Variants in RAB1A observed in about 807,000 individuals in gnomAD.
RAB1A encodes the protein ras-related protein Rab-1A.
A neutral mutation model predicts 26.0 loss-of-function variants in RAB1A; 2 were observed. The observed-to-expected ratio is 0.08, with a 90% CI of 0.03 to 0.24. The LOEUF is 0.24. Among genes scored for constraint, RAB1A ranks in the 10% least tolerant of loss-of-function variants. RAB1A has a pLI of 1.00. For missense variants in RAB1A, 100 were observed against 247.0 expected (o/e 0.40, Z 3.99); for synonymous variants, 84 against 84.9 (o/e 0.99, Z 0.06).
intron 1 of RAB1A, among the ~76,000 whole-genome samples, chr2:65,129,233 A>T: frequency 6.7e-6 from 1 of 149,946 alleles, no homozygotes; most frequent in Non-Finnish European, 1.5e-5. Flanking sequence ...ACAAATGCCC[A>T]GGTTTTTATA....
At position 65,088,559 on chromosome 2, in the gene RAB1A, A is replaced by C; in HGVS notation, c.552T>G (p.Gly184=). Residue 184 remains glycine, a synonymous_variant, in exon 6 of 6, where the codon GGT becomes GGG. Transcript: ENST00000409784. ...KRMGPGATAG[G]AEKSNVKIQS... is the part of the protein sequence containing the mutation. ...GAATTTTAACATTGGACTTCTCAGC[A>C]CCACCAGCTGTTGCTCCGGGACCCA... 1 of 1,613,706 alleles carries C rather than the reference A, an allele frequency of 6.2e-7. No individual in the cohort carries two copies. Among genetic ancestry groups the C allele is most frequent in the South Asian group, 1.1e-5 (1 of 90,962 alleles).
At chr2:65,112,314 A>G (rs1185577940) in intron 1 of RAB1A, among the ~76,000 whole-genome samples, 1 of 151,268 alleles carries the variant, frequency 6.6e-6, no homozygotes, top group Non-Finnish European at 1.5e-5. Context: ...TGCCCAGCTA[A>G]TTTTTGTATT....
At chr2:65,094,637 C>T (rs1453737448) in intron 3 of RAB1A, among the ~76,000 whole-genome samples, 1 of 150,872 alleles carries the variant, frequency 6.6e-6, no homozygotes, top group Non-Finnish European at 1.5e-5. Context: ...AACCTTAAGA[C>T]CCAAACTAGA....
Position 65,087,659 on chromosome 2 carries a change from T to C in RAB1A, c.*834A>G, listed in dbSNP as rs1417317708. ...ATATAGTTTGAGCTCCCTGAACCAC[T>C]GAAGTTGGTTAAATCCCTACACAGC... On this transcript the variant is annotated 3_prime_UTR_variant, in exon 6 of 6. Coordinates refer to ENST00000409784, the MANE Select transcript of RAB1A (RefSeq NM_004161.5). 1 of 152,594 alleles carries C rather than the reference T, an allele frequency of 6.6e-6. No homozygotes were observed. Among genetic ancestry groups the C allele is most frequent in the Non-Finnish European group, 1.5e-5 (1 of 68,038 alleles). The allele number at this position is 152,594 out of a possible 1,614,324, so 9.5% of individuals were successfully genotyped here.
chr2:65,123,742 C>T (rs907688039), intron 1 of RAB1A, among the ~76,000 whole-genome samples: 1 of 151,876 alleles, frequency 6.6e-6, no homozygotes, highest in South Asian at 2.1e-4. Flanking sequence ...GGAAGAATCA[C>T]TTAAACCTGG....
At chr2:65,126,924 A>G (rs1396145518) in intron 1 of RAB1A, among the ~76,000 whole-genome samples, 1 of 152,242 alleles carries the variant, frequency 6.6e-6, no homozygotes, top group East Asian at 1.9e-4. Flanking sequence ...TGCTTAAGTC[A>G]GATTACTAAA....
chr2:65,089,128 C>A lies in RAB1A; in HGVS notation c.289-58G>T, dbSNP rs1573061223. 1.5e-5 allele frequency: 22 copies of A among 1,466,580 alleles called. 1 individual carries two copies. The South Asian group carries it at 2.6e-4, about 17-fold the overall frequency. The allele number at this position is 1,466,580 out of a possible 1,614,324, so 90.8% of individuals were successfully genotyped here. A position where few individuals can be genotyped will look rare whatever the true frequency, so the allele number is the denominator to read the frequency against. Reference sequence around the variant, plus strand: ...TTCGATAATATAGTTCTGGAATAAACAGAAACATCGTTCCTGACCTAACAG... The same window carrying A: ...TTCGATAATATAGTTCTGGAATAAAAAGAAACATCGTTCCTGACCTAACAG... On this transcript the variant is annotated intron_variant, in intron 4 of 5. Coordinates refer to ENST00000409784, the MANE Select transcript of RAB1A (RefSeq NM_004161.5).
chr2:65,129,544 T>C (rs1164302729), intron 1 of RAB1A, among the ~76,000 whole-genome samples: 5 of 142,304 alleles, frequency 3.5e-5, no homozygotes, highest in Non-Finnish European at 7.7e-5. Context: ...TCCCCTCCCC[T>C]TAGAGACAAG....
At chr2:65,098,097 T>TA in intron 2 of RAB1A, 31 bp from the exon 3 acceptor site, 9 of 1,277,342 alleles carry the variant, frequency 7.0e-6, no homozygotes, top group South Asian at 1.4e-5. Flanking sequence ...CAATTAAATG[T>TA]ATTGTTCAGT....
intron 1 of RAB1A, among the ~76,000 whole-genome samples, chr2:65,109,667 G>A (rs1334519708): frequency 2.0e-5 from 3 of 149,318 alleles, no homozygotes; most frequent in East Asian, 2.0e-4. Flanking sequence ...GAGAGACTGC[G>A]CCATTGCACT....
At chr2:65,101,145 C>CAA (rs11380005) in intron 2 of RAB1A, among the ~76,000 whole-genome samples, 25,992 of 146,670 alleles carry the variant, frequency 0.18, 2,631 homozygotes, top group African/African-American at 0.28. Flanking sequence ...GACTCCATCT[C>CAA]AAAAAAAAAA....
At chr2:65,090,836 T>C in intron 4 of RAB1A, 147 bp downstream of exon 4, 1 of 457,604 alleles carries the variant, frequency 2.2e-6, no homozygotes, top group South Asian at 5.8e-5. Context: ...TTTTAAGTGA[T>C]TCACATTTAT....
At chr2:65,121,793 G>A (rs899720919) in intron 1 of RAB1A, among the ~76,000 whole-genome samples, 5 of 145,550 alleles carry the variant, frequency 3.4e-5, no homozygotes, top group Admixed American at 7.6e-5. Flanking sequence ...AGCGGGGGCC[G>A]GGGGGGAGTC....
At chr2:65,129,644 A>G (rs886290488) in intron 1 of RAB1A, among the ~76,000 whole-genome samples, 2 of 145,052 alleles carry the variant, frequency 1.4e-5, no homozygotes, top group Non-Finnish European at 3.0e-5. Flanking sequence ...CCCGCCCCGC[A>G]GTCAGGCCCT....
chr2:65,122,921 A>C (rs893597497), intron 1 of RAB1A, among the ~76,000 whole-genome samples: 6 of 146,634 alleles, frequency 4.1e-5, no homozygotes, highest in African/African-American at 1.5e-4. Flanking sequence ...CAGTGAGCCC[A>C]GATCACACCA....
chr2:65,115,077 CA>C (rs1669794777), intron 1 of RAB1A, among the ~76,000 whole-genome samples: 1 of 152,182 alleles, frequency 6.6e-6, no homozygotes, highest in Non-Finnish European at 1.5e-5. Flanking sequence ...TAACACAGCA[CA>C]AAGGGCAGAA....
Position 65,088,442 on chromosome 2 carries a change from T to G in RAB1A, c.*51A>C, listed in dbSNP as rs1669088330. ...AATTCAGGCAATTTTGTTTTTTCAC[T>G]TGGGTTCAGATTGCAAATTCATTGC... On this transcript the variant is annotated 3_prime_UTR_variant, in exon 6 of 6. Coordinates refer to ENST00000409784, the MANE Select transcript of RAB1A (RefSeq NM_004161.5). 1 of 1,500,422 alleles carries G rather than the reference T, an allele frequency of 6.7e-7. No homozygotes were observed. The highest frequency in any genetic ancestry group is 2.4e-5 in the East Asian group (1 of 42,006). 92.9% of individuals were successfully genotyped at this position (1,500,422 alleles called of 1,614,324 possible).
intron 1 of RAB1A, among the ~76,000 whole-genome samples, chr2:65,120,478 A>C (rs1157784030): frequency 6.6e-6 from 1 of 151,310 alleles, no homozygotes; most frequent in Non-Finnish European, 1.5e-5. Flanking sequence ...AAAAAAAAAA[A>C]AACTCAAATG....
intron 1 of RAB1A, among the ~76,000 whole-genome samples, chr2:65,126,516 C>A (rs369523324): frequency 9.9e-5 from 15 of 152,122 alleles, no homozygotes; most frequent in African/African-American, 3.1e-4. Context: ...TCTAAAAATT[C>A]TGTTGCTTCA....
Sources: gnomAD v4.1 joint callset for allele counts (sites outside exome capture counted in the v4.1 genomes callset) on GRCh38, gnomAD v4.1.1 for gene constraint, MANE v1.5 for transcripts, NCBI Gene and HGNC (gene_info 2026-07-23, HGNC 2026-07-21) for gene names.